Variants in RPL23 observed in about 807,000 individuals in gnomAD.
RPL23 encodes large ribosomal subunit protein uL14.
For missense variants in RPL23, 79 were observed against 178.8 expected (o/e 0.44, Z 3.18); for synonymous variants, 63 against 65.3 (o/e 0.97, Z 0.17).
In RPL23 at chr17:38,853,496, C is replaced by G. The variant is rs947456131; in HGVS notation, c.13+202G>C. On this transcript the variant is annotated intron_variant, in intron 1 of 4. Coordinates refer to ENST00000479035, the MANE Select transcript of RPL23 (RefSeq NM_000978.4). ...TCTCGCGGTATCCAGACTACATTCA[C>G]GTCGGGATCCTGCCATCTCAACTCT... The G allele has an allele frequency of 9.6e-6, 7 of 728,198 alleles. No individual in the cohort carries two copies. In the African/African-American group the frequency reaches 1.0e-4, roughly 11 times the overall value. 45.1% of individuals were successfully genotyped at this position (728,198 alleles called of 1,614,324 possible).
chr17:38,851,261 A>G (rs989406560), intron 3 of RPL23: 7 of 152,216 alleles, frequency 4.6e-5, no homozygotes, highest in South Asian at 2.1e-4. Flanking sequence ...CAAAAAATAG[A>G]TAAGTCTAAC....
At position 38,850,596 on chromosome 17, in the gene RPL23, A is replaced by T. The variant is rs1299334977; in HGVS notation, c.227-121T>A. The T allele has an allele frequency of 4.3e-6, 3 of 690,012 alleles. No homozygotes were observed. The East Asian group carries it at 7.8e-5, about 18-fold the overall frequency. The allele number at this position is 690,012 out of a possible 1,614,324, so 42.7% of individuals were successfully genotyped here. ...TTGAGACAGTGACAGTGTAAATATC[A>T]ATCTTCAAGGTGATCCTCCCACCTC... On this transcript the variant is annotated intron_variant, in intron 3 of 4. Coordinates refer to ENST00000479035, the MANE Select transcript of RPL23 (RefSeq NM_000978.4).
Position 38,848,250 on chromosome 17 carries a change from T to C in RPL23, c.*1882A>G, listed in dbSNP as rs574648303. 149 of 644,218 alleles carry C rather than the reference T, an allele frequency of 2.3e-4. No individual in the cohort carries two copies. The African/African-American group carries it at 2.6e-3, about 11-fold the overall frequency. 39.9% of individuals were successfully genotyped at this position (644,218 alleles called of 1,614,324 possible). ...AAAACTAGAGATTTAATACATTTTT[T>C]TTCTTTCCCCCCAGAGTTTCACTGG... On this transcript the variant is annotated 3_prime_UTR_variant, in exon 5 of 5. Transcript: ENST00000479035.
At chr17:38,850,686 TAG>T (rs1912977068) in intron 3 of RPL23, 3 of 460,138 alleles carry the variant, frequency 6.5e-6, no homozygotes, top group Non-Finnish European at 7.7e-6. Flanking sequence ...TTTTTTTTCA[TAG>T]AGACAGGGTT....
rs1912911210 is a variant in RPL23 at position 38,848,211 on chromosome 17, T to C, written c.*1921A>G. ...AAATTGACCATACTCAGGGATGTTA[T>C]GGTGTAACTCTCTAAAACTAGAGAT... On this transcript the variant is annotated 3_prime_UTR_variant, in exon 5 of 5. Coordinates refer to ENST00000479035, the MANE Select transcript of RPL23 (RefSeq NM_000978.4). 1.2e-6 allele frequency: 1 copy of C among 848,438 alleles called. No individual in the cohort carries two copies. Among genetic ancestry groups the C allele is most frequent in the Non-Finnish European group, 1.6e-6 (1 of 618,254 alleles). 52.6% of individuals were successfully genotyped at this position (848,438 alleles called of 1,614,324 possible).
At position 38,853,069 on chromosome 17, in the gene RPL23, G is replaced by C. The variant is rs749869874; in HGVS notation, c.50C>G (p.Ser17Cys). 3 of 1,614,164 alleles carry C rather than the reference G, an allele frequency of 1.9e-6. No homozygotes were observed. Among genetic ancestry groups the C allele is most frequent in the Non-Finnish European group, 2.5e-6 (3 of 1,180,042 alleles). ...TACAGCTCCTACCGGAAGACCCAAG[G>C]AAATCCGGAATTTCGCACCAGAGGA... ...GGSSGAKFRI[S>C]LGLPVGAVIN... The change falls in exon 2 of 5, where the codon TCC (serine) becomes TGC (cysteine). Residue 17 changes from serine (S) to cysteine (C), a missense_variant. By Grantham distance (112) the Ser-to-Cys change is moderately radical. Transcript: ENST00000479035.
rs985731152 is a variant in RPL23 at position 38,848,502 on chromosome 17, G to C, written c.*1630C>G. 1 of 153,736 alleles carries C rather than the reference G, an allele frequency of 6.5e-6. No individual in the cohort carries two copies. Among genetic ancestry groups the C allele is most frequent in the Non-Finnish European group, 1.4e-5 (1 of 69,172 alleles). 9.5% of individuals were successfully genotyped at this position (153,736 alleles called of 1,614,324 possible). On this transcript the variant is annotated 3_prime_UTR_variant, in exon 5 of 5. Transcript: ENST00000479035. ...CCCACCTCAGCCTCCCAAAGTGCTG[G>C]GATTATAGGTGTGAGCCACCGTACC...
At chr17:38,851,912 C>G (rs1186988899) in intron 3 of RPL23, 1 of 152,114 alleles carries the variant, frequency 6.6e-6, no homozygotes, top group Non-Finnish European at 1.5e-5. Context: ...TAGGCAGGCA[C>G]AGGAAAAAAG....
chr17:38,852,782 G>A (rs1294251187), intron 2 of RPL23, 50 bp from the exon 3 acceptor site: 5 of 1,612,550 alleles, frequency 3.1e-6, no homozygotes, highest in East Asian at 4.5e-5. Flanking sequence ...CCATCAGGCC[G>A]TTCCATCAGT....
chr17:38,848,060 G>A lies in RPL23; in HGVS notation c.*2072C>T. ...CCAGCCTGTGTGACAGAGCAAGACTGCCTCAGAAAAGATAACATTCAAAAA... is the reference window on the plus strand; with the variant it reads ...CCAGCCTGTGTGACAGAGCAAGACTACCTCAGAAAAGATAACATTCAAAAA... On this transcript the variant is annotated 3_prime_UTR_variant, in exon 5 of 5. Coordinates refer to ENST00000479035, the MANE Select transcript of RPL23 (RefSeq NM_000978.4). The A allele has an allele frequency of 1.3e-6, 2 of 1,536,254 alleles. 1 individual carries two copies. Among genetic ancestry groups the A allele is most frequent in the South Asian group, 2.5e-5 (2 of 81,334 alleles).
intron 1 of RPL23, 30 bp downstream of exon 1, chr17:38,853,668 G>C (rs778042151): frequency 1.2e-6 from 2 of 1,614,044 alleles, no homozygotes; most frequent in East Asian, 4.5e-5. Flanking sequence ...ACGACAGATG[G>C]TGGAGGATCC....
intron 2 of RPL23, 133 bp downstream of exon 2, chr17:38,852,889 A>T (rs549482642): frequency 7.3e-7 from 1 of 1,363,704 alleles, no homozygotes; most frequent in Non-Finnish European, 1.0e-6. Flanking sequence ...ATTGAAGCAA[A>T]CAACACATGT....
intron 2 of RPL23, 27 bp downstream of exon 2, chr17:38,852,995 G>GAGT: frequency 6.2e-7 from 1 of 1,600,324 alleles, no homozygotes; most frequent in Non-Finnish European, 8.6e-7. Context: ...TTAAAAGGGG[G>GAGT]AGTATAGCAA....
At chr17:38,850,625 C>G in intron 3 of RPL23, 150 bp from the exon 4 acceptor site, 1 of 622,672 alleles carries the variant, frequency 1.6e-6, no homozygotes, top group Non-Finnish European at 2.9e-6. Context: ...CCACCTCAGC[C>G]TCTCTAGTAT....
Position 38,850,114 on chromosome 17 carries a change from TA to T in RPL23, c.*17del, listed in dbSNP as rs1370557765. 2 of 1,547,078 alleles carry T rather than the reference TA, an allele frequency of 1.3e-6. No individual in the cohort carries two copies. The highest frequency in any genetic ancestry group is 2.0e-5 in the Admixed American group (1 of 48,836). On this transcript the variant is annotated 3_prime_UTR_variant, in exon 5 of 5. Coordinates refer to ENST00000479035, the MANE Select transcript of RPL23 (RefSeq NM_000978.4). ...GGGTTTAGTTTTTTTTTTTATTTTT[TA>T]CAAATATACTGGAGAATCATGCAAT... is the stretch of plus-strand genomic sequence containing the variant.
chr17:38,853,396 C>T lies in RPL23; in HGVS notation c.14-291G>A, dbSNP rs1195342637. On this transcript the variant is annotated intron_variant, in intron 1 of 4. Coordinates refer to ENST00000479035, the MANE Select transcript of RPL23 (RefSeq NM_000978.4). ...CAATTACTCCTGCAAGGCATAAAAC[C>T]GCAGAGGTCGCGCAAACCAGGGCCT... 7 of 711,344 alleles carry T rather than the reference C, an allele frequency of 9.8e-6. No individual in the cohort carries two copies. The East Asian group carries it at 1.9e-4, about 19-fold the overall frequency. 44.1% of individuals were successfully genotyped at this position (711,344 alleles called of 1,614,324 possible).
chr17:38,853,453 G>C (rs1913064443), intron 1 of RPL23: 1 of 718,260 alleles, frequency 1.4e-6, no homozygotes, highest in South Asian at 1.5e-5. Context: ...CATTACGATA[G>C]CCCTATTCGC....
At position 38,850,423 on chromosome 17, in the gene RPL23, G is replaced by C; in HGVS notation, c.279C>G (p.Gly93=). The C allele has an allele frequency of 6.2e-7, 1 of 1,613,662 alleles. No homozygotes were observed. Among genetic ancestry groups the C allele is most frequent in the Non-Finnish European group, 8.5e-7 (1 of 1,179,960 alleles). ...RQRKSYRRKD[G]VFLYFEDNAG... ...CATTATCTTCAAAATAAAGAAACAC[G>C]CCATCTTTTCTACGGTATGACTTTC... Residue 93 remains glycine (G), a synonymous_variant, in exon 4 of 5, where the codon GGC becomes GGG. Transcript: ENST00000479035.
chr17:38,849,995 G>A lies in RPL23; in HGVS notation c.*137C>T, dbSNP rs1912955098. ...TAGCCAGGCATGACGGCAGGTGCCT[G>A]TAATCCCAGCTACTTAGGAGGCTGA... On this transcript the variant is annotated 3_prime_UTR_variant, in exon 5 of 5. Transcript: ENST00000479035. 4.8e-6 allele frequency: 3 copies of A among 619,224 alleles called. No homozygotes were observed. The highest frequency in any genetic ancestry group is 2.3e-5 in the South Asian group (1 of 43,832). The allele number at this position is 619,224 out of a possible 1,614,324, so 38.4% of individuals were successfully genotyped here.
Sources: gnomAD v4.1 joint callset for allele counts on GRCh38, gnomAD v4.1.1 for gene constraint, MANE v1.5 for transcripts, NCBI Gene and HGNC (gene_info 2026-07-23, HGNC 2026-07-21) for gene names.